SEMA5A: variants seen among roughly 807,000 people sequenced by gnomAD.
SEMA5A encodes the protein semaphorin-5A.
In SEMA5A, 55 loss-of-function variants were observed where a neutral mutation model predicts 135.5. That is an observed-to-expected ratio of 0.41 (90% CI 0.33 to 0.51). The LOEUF is 0.51. SEMA5A is among the 20% of genes least tolerant of loss of function. SEMA5A has a pLI of 0.37. For synonymous variants in SEMA5A, 580 were observed against 546.5 expected, an observed-to-expected ratio of 1.06 and a Z score of -0.85; for missense variants, 1,290 against 1,419.9, an observed-to-expected ratio of 0.91 and a Z score of 1.47.
At chr5:9,372,320 TCATGAGACACGCATGGAGC>T (rs1288368666) in intron 3 of SEMA5A, among the ~76,000 whole-genome samples, 1 of 152,128 alleles carries the variant, frequency 6.6e-6, no homozygotes, top group Non-Finnish European at 1.5e-5. Flanking sequence ...AAACAGAGCA[TCATGAGACACGCATGGAGC>T]CATGGGACAC....
intron 3 of SEMA5A, among the ~76,000 whole-genome samples, chr5:9,365,713 A>T (rs1754887767): frequency 6.6e-6 from 1 of 152,178 alleles, no homozygotes; most frequent in African/African-American, 2.4e-5. Context: ...AGCTCTGGCC[A>T]TTCATATGCA....
At chr5:9,155,691 T>C (rs1242945056) in intron 11 of SEMA5A, among the ~76,000 whole-genome samples, 1 of 152,194 alleles carries the variant, frequency 6.6e-6, no homozygotes, top group Non-Finnish European at 1.5e-5. Flanking sequence ...GGAGTTATTC[T>C]AAAACCAGAA....
intron 13 of SEMA5A, among the ~76,000 whole-genome samples, chr5:9,131,735 C>A (rs1207796029): frequency 6.6e-6 from 1 of 151,142 alleles, no homozygotes; most frequent in Non-Finnish European, 1.5e-5. Flanking sequence ...AGAGATTCGC[C>A]CCCATGACCT....
At chr5:9,518,158 T>A (rs1736629483) in intron 1 of SEMA5A, 1 of 152,148 alleles carries the variant, frequency 6.6e-6, no homozygotes, top group Admixed American at 6.5e-5. Flanking sequence ...AGACATAATG[T>A]GAGTGCTTTG....
Position 9,229,690 on chromosome 5 carries a change from T to A in SEMA5A, c.334-2723A>T, listed in dbSNP as rs1806023. Among the ~76,000 whole-genome samples, 569 of 152,006 alleles carry A rather than the reference T, an allele frequency of 3.7e-3. 3 individuals carry two copies. Among genetic ancestry groups the A allele is most frequent in the African/African-American group, 0.013 (556 of 41,466 alleles). ...TTTTTGATGCTGCTTTTAGAACTCT[T>A]TTAAAAGCAAGGCAAGATGTAATAA... On this transcript the variant is annotated intron_variant, in intron 6 of 22. Coordinates refer to ENST00000382496, the MANE Select transcript of SEMA5A (RefSeq NM_003966.3).
intron 1 of SEMA5A, among the ~76,000 whole-genome samples, chr5:9,494,558 CACTT>C (rs1330653035): frequency 2.0e-5 from 3 of 152,142 alleles, no homozygotes; most frequent in Non-Finnish European, 2.9e-5. Context: ...CTGATCTTCT[CACTT>C]AGTAGGTCAT....
chr5:9,429,397 C>T (rs923240502), intron 2 of SEMA5A, among the ~76,000 whole-genome samples: 1 of 152,216 alleles, frequency 6.6e-6, no homozygotes, highest in African/African-American at 2.4e-5. Context: ...TAGTCCCTTA[C>T]CTCACCTAGG....
chr5:9,316,748 T>C (rs1320525099), intron 5 of SEMA5A, among the ~76,000 whole-genome samples: 7 of 152,188 alleles, frequency 4.6e-5, no homozygotes, highest in Admixed American at 4.6e-4. Flanking sequence ...TAAATCAAGC[T>C]AATTAATATG....
intron 5 of SEMA5A, among the ~76,000 whole-genome samples, chr5:9,244,529 G>C (rs368013960): frequency 6.6e-6 from 1 of 152,104 alleles, no homozygotes; most frequent in African/African-American, 2.4e-5. Flanking sequence ...ACCCTATGTA[G>C]CCATATATGT....
intron 8 of SEMA5A, among the ~76,000 whole-genome samples, chr5:9,218,261 C>G (rs1256931125): frequency 2.6e-5 from 4 of 152,072 alleles, no homozygotes; most frequent in African/African-American, 9.7e-5. Context: ...TTGAGCTACC[C>G]TGTTTGTGGT....
chr5:9,401,221 G>A (rs1397214505), intron 2 of SEMA5A, among the ~76,000 whole-genome samples: 1 of 152,202 alleles, frequency 6.6e-6, no homozygotes, highest in Non-Finnish European at 1.5e-5. Context: ...GCATGAAGGT[G>A]GATGAGCAGT....
At chr5:9,175,568 T>C (rs1308612207) in intron 11 of SEMA5A, among the ~76,000 whole-genome samples, 1 of 152,202 alleles carries the variant, frequency 6.6e-6, no homozygotes, top group Non-Finnish European at 1.5e-5. Context: ...ACATATGGCA[T>C]CTTCCTTTTG....
chr5:9,211,666 G>C (rs1806044), intron 8 of SEMA5A, among the ~76,000 whole-genome samples: 4,465 of 152,204 alleles, frequency 0.029, 234 homozygotes, highest in African/African-American at 0.1. Context: ...CAAGCAGAAA[G>C]AATTTCTCCT....
chr5:9,345,399 T>C (rs1753816709), intron 3 of SEMA5A, among the ~76,000 whole-genome samples: 2 of 152,092 alleles, frequency 1.3e-5, no homozygotes, highest in Non-Finnish European at 1.5e-5. Flanking sequence ...TGCCTCCCCA[T>C]GCAGGCCCCT....
chr5:9,533,859 C>T (rs889836071), intron 1 of SEMA5A, among the ~76,000 whole-genome samples: 1 of 152,200 alleles, frequency 6.6e-6, no homozygotes, highest in African/African-American at 2.4e-5. Flanking sequence ...GAACCCGTGG[C>T]CCCCTTCCTC....
chr5:9,080,850 C>T (rs1738339282), intron 16 of SEMA5A, among the ~76,000 whole-genome samples: 1 of 152,122 alleles, frequency 6.6e-6, no homozygotes, highest in African/African-American at 2.4e-5. Context: ...CACTCACACA[C>T]CTATGGTGGG....
At chr5:9,530,183 CA>C (rs1737364195) in intron 1 of SEMA5A, among the ~76,000 whole-genome samples, 1 of 152,144 alleles carries the variant, frequency 6.6e-6, no homozygotes, top group Admixed American at 6.5e-5. Flanking sequence ...GTTCCACAAG[CA>C]AAGCCAGCAA....
intron 12 of SEMA5A, 28 bp downstream of exon 12, chr5:9,154,460 G>C (rs778761539): frequency 1.9e-6 from 3 of 1,608,992 alleles, no homozygotes; most frequent in Non-Finnish European, 2.5e-6. Flanking sequence ...ACACACACCA[G>C]TGCATCCTGA....
intron 5 of SEMA5A, among the ~76,000 whole-genome samples, chr5:9,238,283 T>A (rs970759296): frequency 2.0e-5 from 3 of 152,198 alleles, no homozygotes; most frequent in African/African-American, 7.2e-5. Flanking sequence ...AATATTAATT[T>A]TAACATTTTT....
Sources: allele counts gnomAD v4.1 joint callset (sites outside exome capture counted in the v4.1 genomes callset), GRCh38; gene constraint gnomAD v4.1.1; transcripts MANE v1.5; gene names NCBI Gene and HGNC (gene_info 2026-07-23, HGNC 2026-07-21).